Variants in IFFO1 observed in about 807,000 individuals in gnomAD.
The protein encoded by IFFO1 is non-homologous end joining factor IFFO1.
Under a neutral mutation model 59.6 loss-of-function variants are expected in IFFO1, and 42 were observed. That is an observed-to-expected ratio of 0.70 (90% CI 0.55 to 0.91). The LOEUF is 0.91. Ranked by LOEUF, IFFO1 falls within the 40% of genes least tolerant of loss-of-function variation. IFFO1 has a pLI of 0.00. For synonymous variants in IFFO1, 336 were observed against 342.8 expected (o/e 0.98, Z 0.22); for missense variants, 711 against 793.2 (o/e 0.90, Z 1.24).
At chr12:6,540,917 C>T (rs1296612997) in intron 9 of IFFO1, among the ~76,000 whole-genome samples, 4 of 151,660 alleles carry the variant, frequency 2.6e-5, no homozygotes, top group Non-Finnish European at 4.4e-5. Flanking sequence ...GGTGAAACCC[C>T]ATCTCTACTA....
Position 6,541,413 on chromosome 12 carries a change from T to C in IFFO1, c.1610+99A>G, listed in dbSNP as rs887652381. On this transcript the variant is annotated intron_variant, in intron 9 of 9. Transcript: ENST00000619571. The surrounding 1 kb of genome is among the most constrained non-coding windows in gnomAD (Gnocchi z 4.8). ...CCCAAAGGGCAGCCCCACAGCAAGA[T>C]GTGACCCAGTCATTGCCTGAGGGTC... 4.1e-6 allele frequency: 6 copies of C among 1,476,506 alleles called. No homozygotes were observed. The African/African-American group carries it at 6.9e-5, about 17-fold the overall frequency. The allele number at this position is 1,476,506 out of a possible 1,614,324, so 91.5% of individuals were successfully genotyped here.
At chr12:6,546,190 G>A (rs933622903) in intron 8 of IFFO1, among the ~76,000 whole-genome samples, 3 of 152,214 alleles carry the variant, frequency 2.0e-5, no homozygotes, top group African/African-American at 7.2e-5. Flanking sequence ...ACAGAAACAC[G>A]TTCCAGTTGA....
Position 6,543,833 on chromosome 12 carries a change from C to T in IFFO1, c.1480-2191G>A, listed in dbSNP as rs373237221. ...ATACAAAATTAGCCAGGCGTGGTGG[C>T]ACATGCCCGTAATCCCAGCTACTTG... is the stretch of plus-strand genomic sequence containing the variant. On this transcript the variant is annotated intron_variant, in intron 8 of 9. Coordinates refer to ENST00000619571, the MANE Select transcript of IFFO1 (RefSeq NM_001193457.2). 18 of 152,198 alleles carry T rather than the reference C, an allele frequency of 1.2e-4. No individual in the cohort carries two copies. In the East Asian group the frequency reaches 3.3e-3, roughly 28 times the overall value. The allele number at this position is 152,198 out of a possible 1,614,324, so 9.4% of individuals were successfully genotyped here.
At position 6,555,647 on chromosome 12, in the gene IFFO1, G is replaced by A; in HGVS notation, c.383C>T (p.Thr128Ile). 1 of 1,587,614 alleles carries A rather than the reference G, an allele frequency of 6.3e-7. No homozygotes were observed. The highest frequency in any genetic ancestry group is 2.3e-5 in the East Asian group (1 of 42,752). Residue 128 changes from threonine to isoleucine, a missense_variant, in exon 1 of 10, where the codon ACC becomes ATC. By Grantham distance (89) the Thr-to-Ile change is moderately conservative. Transcript: ENST00000619571. This position sits in a 1 kb window ranked among gnomAD's most constrained non-coding sequence, Gnocchi z 8.6. ...GGGCCGGATGGGGCTGACGAAGCCGGTCTGCACTGCCTGGTCGCGACGACC... is the reference window on the plus strand; with the variant it reads ...GGGCCGGATGGGGCTGACGAAGCCGATCTGCACTGCCTGGTCGCGACGACC... ...GLGRRDQAVQTGFVSPIRPLG... is the reference protein window; with the variant it reads ...GLGRRDQAVQIGFVSPIRPLG...
At chr12:6,552,753 C>T (rs1947284034) in intron 1 of IFFO1, among the ~76,000 whole-genome samples, 1 of 152,110 alleles carries the variant, frequency 6.6e-6, no homozygotes, top group Non-Finnish European at 1.5e-5. Context: ...GGAAATCTTA[C>T]AGGGTAAAAA....
In IFFO1 at chr12:6,555,448, G is replaced by T. The variant is rs139980858; in HGVS notation, c.582C>A (p.Gly194=). The T allele has an allele frequency of 1.2e-6, 2 of 1,613,880 alleles. No individual in the cohort carries two copies. The highest frequency in any genetic ancestry group is 1.7e-6 in the Non-Finnish European group (2 of 1,179,868). Residue 194 remains glycine (G), a synonymous_variant, in exon 1 of 10, where the codon GGC becomes GGA. Transcript: ENST00000619571. This position sits in a 1 kb window ranked among gnomAD's most constrained non-coding sequence, Gnocchi z 8.6. ...TYSSSARFMP[G]TIWSFSHARR... ...GGGCGTGCGAGAACGACCAGATGGT[G>T]CCGGGCATGAAGCGGGCCGACGAGG...
At position 6,541,603 on chromosome 12, in the gene IFFO1, G is replaced by A; in HGVS notation, c.1519C>T (p.Leu507=). The A allele has an allele frequency of 6.2e-7, 1 of 1,614,190 alleles. No homozygotes were observed. The highest frequency in any genetic ancestry group is 1.1e-5 in the South Asian group (1 of 91,090). The change falls in exon 9 of 10, where the codon CTG becomes TTG. Residue 507 remains leucine (L), a synonymous_variant. Coordinates refer to ENST00000619571, the MANE Select transcript of IFFO1 (RefSeq NM_001193457.2). The surrounding 1 kb of genome is among the most constrained non-coding windows in gnomAD (Gnocchi z 4.8). ...ATAKNDMNRH[L]HEYMEMCSMK... is the part of the protein sequence containing the mutation. ...CTGCACATCTCCATGTACTCGTGCAGGTGCCGGTTCATGTCGTTCTTGGCC... is the reference window on the plus strand; with the variant it reads ...CTGCACATCTCCATGTACTCGTGCAAGTGCCGGTTCATGTCGTTCTTGGCC...
At chr12:6,554,751 C>T (rs920208950) in intron 1 of IFFO1, among the ~76,000 whole-genome samples, 1 of 152,230 alleles carries the variant, frequency 6.6e-6, no homozygotes, top group East Asian at 1.9e-4. Context: ...CCTATGAAAC[C>T]ACAGCAGGTA....
In IFFO1 at chr12:6,548,943, G is replaced by A; in HGVS notation, c.1081-94C>T. On this transcript the variant is annotated intron_variant, in intron 5 of 9. Transcript: ENST00000619571. This position sits in a 1 kb window ranked among gnomAD's most constrained non-coding sequence, Gnocchi z 6.1. Reference sequence around the variant, plus strand: ...ATGGGGGAGAAGCATGAACCAGTAGGAAGGGGGGGCAGACAGAGAGAAAAG... The same window carrying A: ...ATGGGGGAGAAGCATGAACCAGTAGAAAGGGGGGGCAGACAGAGAGAAAAG... 1 of 1,028,254 alleles carries A rather than the reference G, an allele frequency of 9.7e-7. No homozygotes were observed. The allele number at this position is 1,028,254 out of a possible 1,614,324, so 63.7% of individuals were successfully genotyped here.
chr12:6,541,309 C>T lies in IFFO1; in HGVS notation c.1610+203G>A, dbSNP rs1946699074. On this transcript the variant is annotated intron_variant, in intron 9 of 9. Transcript: ENST00000619571. This position sits in a 1 kb window ranked among gnomAD's most constrained non-coding sequence, Gnocchi z 4.8. The stretch of plus-strand genomic sequence containing the variant: ...CTGGTGGCCTTGGGAGGTTTCAGCC[C>T]TCCCGTCATGAATGGACATAGCTCA... Among the ~76,000 whole-genome samples the T allele has an allele frequency of 6.6e-6, 1 of 152,154 alleles. No individual in the cohort carries two copies.
chr12:6,550,708 C>A lies in IFFO1; in HGVS notation c.917G>T (p.Gly306Val), dbSNP rs1947192626. 3 of 1,613,974 alleles carry A rather than the reference C, an allele frequency of 1.9e-6. No individual in the cohort carries two copies. The highest frequency in any genetic ancestry group is 2.5e-6 in the Non-Finnish European group (3 of 1,179,924). The stretch of plus-strand genomic sequence containing the variant: ...GGCTGCACTCACGTTACTCATGAGC[C>A]CCTTGAAGACCACCAGCTCAGCCTT... Reference protein sequence around the residue: ...QLKAELVVFKGLMSNNLSELD... With the variant: ...QLKAELVVFKVLMSNNLSELD... Residue 306 changes from glycine (G) to valine (V), a missense_variant, in exon 3 of 10, where the codon GGG becomes GTG. This residue lies in a region of IFFO1 where 579 missense variants were observed against 650.3 expected (regional missense o/e 0.89). Transcript: ENST00000619571.
Position 6,555,743 on chromosome 12 carries a change from C to T in IFFO1, c.287G>A (p.Arg96His). 6.2e-7 allele frequency: 1 copy of T among 1,612,916 alleles called. No homozygotes were observed. The highest frequency in any genetic ancestry group is 2.2e-5 in the East Asian group (1 of 44,774). ...TTGCTTCTCCAACAGCCGGTTCCGGCGCTCCAGCTCATGCACCTTGGCCAG... is the reference window on the plus strand; with the variant it reads ...TTGCTTCTCCAACAGCCGGTTCCGGTGCTCCAGCTCATGCACCTTGGCCAG... ...CFLAKVHELERRNRLLEKQLQ... is the reference protein window; with the variant it reads ...CFLAKVHELEHRNRLLEKQLQ... The change falls in exon 1 of 10, where the codon CGC (arginine) becomes CAC (histidine). Residue 96 changes from arginine to histidine, a missense_variant. Physicochemically the swap from Arg to His is conservative, Grantham distance 29. Around this residue, in one of 3 missense-constraint regions of IFFO1, gnomAD observed 18 missense variants for 40.5 expected, o/e 0.44. Coordinates refer to ENST00000619571, the MANE Select transcript of IFFO1 (RefSeq NM_001193457.2). The surrounding 1 kb of genome is among the most constrained non-coding windows in gnomAD (Gnocchi z 8.6).
intron 1 of IFFO1, among the ~76,000 whole-genome samples, chr12:6,554,733 G>A (rs1246212106): frequency 6.6e-6 from 1 of 152,158 alleles, no homozygotes; most frequent in African/African-American, 2.4e-5. Flanking sequence ...TGAGGTCCCG[G>A]AGCTTTTCCT....
chr12:6,549,334 G>GGGGGAAGAGCAA lies in IFFO1; in HGVS notation c.1080+130_1080+141dup. The GGGGGAAGAGCAA allele has an allele frequency of 1.3e-6, 1 of 751,872 alleles. No individual in the cohort carries two copies. Among genetic ancestry groups the GGGGGAAGAGCAA allele is most frequent in the South Asian group, 1.6e-5 (1 of 61,004 alleles). 46.6% of individuals were successfully genotyped at this position (751,872 alleles called of 1,614,324 possible). Reference sequence around the variant, plus strand: ...AGAGAACAAGAGATAGAGAGAAAAAGGGGGAAGAGCAAGGAAAAGGGAAAG... The same window carrying GGGGGAAGAGCAA: ...AGAGAACAAGAGATAGAGAGAAAAAGGGGGAAGAGCAAGGGGAAGAGCAAGGAAAAGGGAAAG... On this transcript the variant is annotated intron_variant, in intron 5 of 9. Coordinates refer to ENST00000619571, the MANE Select transcript of IFFO1 (RefSeq NM_001193457.2). The surrounding 1 kb of genome is among the most constrained non-coding windows in gnomAD (Gnocchi z 5.0).
At chr12:6,540,713 G>C (rs538348764) in intron 9 of IFFO1, 125 bp from the exon 10 acceptor site, 2 of 809,910 alleles carry the variant, frequency 2.5e-6, no homozygotes, top group Admixed American at 2.3e-5. Flanking sequence ...GGGCGGGGCC[G>C]CGGGATGGCG....
Position 6,555,924 on chromosome 12 carries a change from C to T in IFFO1, c.106G>A (p.Gly36Arg). ...GAGAGAGGCGCCGGGGGCAAGTCTC[C>T]TCCCCCGGCGAAGTGGTCGCCTCCC... Reference protein sequence around the residue: ...SLGGDHFAGGGDLPPAPLSPA... With the variant: ...SLGGDHFAGGRDLPPAPLSPA... Residue 36 changes from glycine (G) to arginine (R), a missense_variant, in exon 1 of 10, where the codon GGA becomes AGA. Transcript: ENST00000619571. This position sits in a 1 kb window ranked among gnomAD's most constrained non-coding sequence, Gnocchi z 8.6. 2 of 1,551,894 alleles carry T rather than the reference C, an allele frequency of 1.3e-6. No individual in the cohort carries two copies. The highest frequency in any genetic ancestry group is 2.0e-4 in the Middle Eastern group (1 of 5,120).
Position 6,547,932 on chromosome 12 carries a change from T to A in IFFO1, c.1479+133A>T, listed in dbSNP as rs1053914676. 5 of 725,334 alleles carry A rather than the reference T, an allele frequency of 6.9e-6. No homozygotes were observed. The South Asian group carries it at 7.8e-5, about 11-fold the overall frequency. The allele number at this position is 725,334 out of a possible 1,614,324, so 44.9% of individuals were successfully genotyped here. A position where few individuals can be genotyped will look rare whatever the true frequency, so the allele number is the denominator to read the frequency against. On this transcript the variant is annotated intron_variant, in intron 8 of 9. Coordinates refer to ENST00000619571, the MANE Select transcript of IFFO1 (RefSeq NM_001193457.2). ...TCTTCAGAGCCCACCAGGAGGACTA[T>A]AGCTGAGAGATCACTCCTCCTCCCA...
Position 6,555,649 on chromosome 12 carries a change from C to G in IFFO1, c.381G>C (p.Gln127His), listed in dbSNP as rs996108459. 3.1e-6 allele frequency: 5 copies of G among 1,588,160 alleles called. No individual in the cohort carries two copies. The African/African-American group carries it at 5.5e-5, about 18-fold the overall frequency. ...GCCGGATGGGGCTGACGAAGCCGGT[C>G]TGCACTGCCTGGTCGCGACGACCCA... Reference protein sequence around the residue: ...RGLGRRDQAVQTGFVSPIRPL... With the variant: ...RGLGRRDQAVHTGFVSPIRPL... Residue 127 changes from glutamine to histidine, a missense_variant, in exon 1 of 10, where the codon CAG becomes CAC. Gln to His is a conservative substitution (Grantham distance 24). This residue lies in a region of IFFO1 where 579 missense variants were observed against 650.3 expected (regional missense o/e 0.89). Transcript: ENST00000619571. This position sits in a 1 kb window ranked among gnomAD's most constrained non-coding sequence, Gnocchi z 8.6.
Position 6,540,459 on chromosome 12 carries a change from CGGGTGCAA to C in IFFO1, c.*16_*23del, listed in dbSNP as rs1411664887. On this transcript the variant is annotated 3_prime_UTR_variant, in exon 10 of 10. Transcript: ENST00000619571. The stretch of plus-strand genomic sequence containing the variant: ...GCTGAGCTCCCTGCTGCGAGGGCCT[CGGGTGCAA>C]GGGGGAGGCAGGTCTCTATCTCATG... 6 of 1,586,378 alleles carry C rather than the reference CGGGTGCAA, an allele frequency of 3.8e-6. No individual in the cohort carries two copies. Among genetic ancestry groups the C allele is most frequent in the African/African-American group, 2.7e-5 (2 of 74,412 alleles).
Sources: allele counts gnomAD v4.1 joint callset (sites outside exome capture counted in the v4.1 genomes callset), GRCh38; gene constraint gnomAD v4.1.1; regional missense constraint gnomAD v4.1.1; non-coding constraint Gnocchi (gnomAD v3.1); transcripts MANE v1.5; gene names NCBI Gene and HGNC (gene_info 2026-07-23, HGNC 2026-07-21).